Variants in FBLN5 observed in about 807,000 individuals in gnomAD.
FBLN5 encodes fibulin-5.
Under a neutral mutation model 61.6 loss-of-function variants are expected in FBLN5, and 24 were observed. The observed-to-expected ratio is 0.39, with a 90% CI of 0.28 to 0.55. FBLN5 has a LOEUF of 0.55. FBLN5 is among the 20% of genes least tolerant of loss of function. The probability of loss-of-function intolerance (pLI) is 0.65; values close to 1 mark genes in which losing one functional copy is unlikely to be tolerated. For missense variants in FBLN5, 470 were observed against 594.1 expected (o/e 0.79, Z 2.17); for synonymous variants, 213 against 219.8 (o/e 0.97, Z 0.27).
At chr14:91,938,132 CA>C (rs1333601327) in intron 3 of FBLN5, among the ~76,000 whole-genome samples, 1 of 152,162 alleles carries the variant, frequency 6.6e-6, no homozygotes, top group Non-Finnish European at 1.5e-5. Flanking sequence ...TAACAGTGGT[CA>C]GGGGAGAAAG....
intron 7 of FBLN5, among the ~76,000 whole-genome samples, chr14:91,885,733 T>C (rs1388565589): frequency 1.3e-5 from 2 of 152,216 alleles, no homozygotes; most frequent in African/African-American, 2.4e-5. Flanking sequence ...AGGGTCACTC[T>C]ACCATATGGC....
intron 4 of FBLN5, among the ~76,000 whole-genome samples, chr14:91,900,536 A>C (rs148063965): frequency 1.3e-5 from 2 of 152,350 alleles, no homozygotes; most frequent in East Asian, 3.9e-4. Context: ...TCATTCTCCA[A>C]GCACCAAAGT....
intron 4 of FBLN5, among the ~76,000 whole-genome samples, chr14:91,926,437 G>A (rs1957730114): frequency 6.6e-6 from 1 of 152,176 alleles, no homozygotes; most frequent in African/African-American, 2.4e-5. Flanking sequence ...GAGGATGGCA[G>A]CCCAACGGAT....
At chr14:91,920,565 AC>A (rs1315751661) in intron 4 of FBLN5, among the ~76,000 whole-genome samples, 7 of 152,286 alleles carry the variant, frequency 4.6e-5, no homozygotes, top group African/African-American at 1.7e-4. Context: ...GTGATCTTGG[AC>A]AAATCCTGTC....
At chr14:91,915,915 A>G (rs1188741318) in intron 4 of FBLN5, among the ~76,000 whole-genome samples, 1 of 152,136 alleles carries the variant, frequency 6.6e-6, no homozygotes, top group African/African-American at 2.4e-5. Flanking sequence ...ATATGTGGAC[A>G]CCAAAACTAG....
chr14:91,878,062 A>G, intron 9 of FBLN5: 2 of 414,618 alleles, frequency 4.8e-6, no homozygotes, highest in Non-Finnish European at 4.6e-6. Flanking sequence ...AAAAAAAAGG[A>G]AGAAAGAAAG....
intron 4 of FBLN5, among the ~76,000 whole-genome samples, chr14:91,934,168 C>T (rs1403719794): frequency 1.3e-5 from 2 of 152,224 alleles, no homozygotes; most frequent in Non-Finnish European, 2.9e-5. Context: ...CACTGCACTA[C>T]AGCCTGGGTA....
chr14:91,942,945 T>C lies in FBLN5; in HGVS notation c.34A>G (p.Ile12Val). 1 of 1,551,136 alleles carries C rather than the reference T, an allele frequency of 6.4e-7. No individual in the cohort carries two copies. Among genetic ancestry groups the C allele is most frequent in the Non-Finnish European group, 8.7e-7 (1 of 1,144,846 alleles). ...GGGCTTGGAAGACAGAGAGCCAGAA[T>C]GGTAACAGTGAGTATCCTGTGGAGG... The part of the protein sequence containing the change: ...PGIKRILTVT[I>V]LALCLPSPGN... The change falls in exon 2 of 11, where the codon ATT (isoleucine) becomes GTT (valine). Residue 12 changes from isoleucine (I) to valine (V), a missense_variant. Ile to Val is a conservative substitution (Grantham distance 29, BLOSUM62 3). Transcript: ENST00000342058.
At chr14:91,901,017 A>G (rs1050973184) in intron 4 of FBLN5, among the ~76,000 whole-genome samples, 1 of 152,176 alleles carries the variant, frequency 6.6e-6, no homozygotes, top group African/African-American at 2.4e-5. Flanking sequence ...GGAGATCTGG[A>G]CAAGAGGTAA....
rs557526084 is a variant in FBLN5 at position 91,894,766 on chromosome 14, G to A, written c.502+184C>T. ...AAAACTATAATGATGACAAGATGGC[G>A]ATGATGGCAATTGATTTTCAAGGGT... On this transcript the variant is annotated intron_variant, in intron 5 of 10. Coordinates refer to ENST00000342058, the MANE Select transcript of FBLN5 (RefSeq NM_006329.4). 7.2e-5 allele frequency among the ~76,000 whole-genome samples: 11 copies of A among 152,214 alleles called. No individual in the cohort carries two copies. In the East Asian group the frequency reaches 1.7e-3, roughly 24 times the overall value.
At chr14:91,919,052 C>T (rs763701710) in intron 4 of FBLN5, among the ~76,000 whole-genome samples, 6 of 152,006 alleles carry the variant, frequency 3.9e-5, no homozygotes, top group East Asian at 1.9e-4. Flanking sequence ...GAATGGCAGC[C>T]GGGCACTGTG....
chr14:91,926,587 C>T (rs1325792565), intron 4 of FBLN5, among the ~76,000 whole-genome samples: 1 of 152,154 alleles, frequency 6.6e-6, no homozygotes, highest in Non-Finnish European at 1.5e-5. Flanking sequence ...GACATGATCA[C>T]GAATTGAAAG....
At chr14:91,910,898 G>A (rs753206993) in intron 4 of FBLN5, among the ~76,000 whole-genome samples, 4 of 152,138 alleles carry the variant, frequency 2.6e-5, no homozygotes, top group Non-Finnish European at 5.9e-5. Context: ...CTAGTAACTC[G>A]ATTCAAAGGA....
chr14:91,930,151 A>C (rs1352934996), intron 4 of FBLN5, among the ~76,000 whole-genome samples: 2 of 152,212 alleles, frequency 1.3e-5, no homozygotes, highest in African/African-American at 4.8e-5. Context: ...AGATAATGAA[A>C]ACAATAATTA....
At chr14:91,945,773 T>C (rs1269773221) in intron 1 of FBLN5, among the ~76,000 whole-genome samples, 1 of 152,150 alleles carries the variant, frequency 6.6e-6, no homozygotes, top group African/African-American at 2.4e-5. Flanking sequence ...CAAGTTTTCA[T>C]GTAAGTGCCT....
chr14:91,898,363 T>C (rs1475815299), intron 4 of FBLN5, among the ~76,000 whole-genome samples: 3 of 152,034 alleles, frequency 2.0e-5, no homozygotes, highest in African/African-American at 7.2e-5. Context: ...TCCAGCCAAC[T>C]AGCTGACAAG....
intron 4 of FBLN5, among the ~76,000 whole-genome samples, chr14:91,923,715 TG>T (rs2055779468): frequency 6.6e-6 from 1 of 152,182 alleles, no homozygotes; most frequent in South Asian, 2.1e-4. Context: ...TGATGAGTTA[TG>T]TACACCCCCC....
intron 2 of FBLN5, chr14:91,942,208 G>C (rs2056116512): frequency 2.2e-6 from 1 of 455,670 alleles, no homozygotes; most frequent in Non-Finnish European, 4.4e-6. Flanking sequence ...GATGCTGCAA[G>C]CTTCTTCCAG....
At chr14:91,898,314 C>T (rs1211395575) in intron 4 of FBLN5, among the ~76,000 whole-genome samples, 1 of 152,088 alleles carries the variant, frequency 6.6e-6, no homozygotes, top group African/African-American at 2.4e-5. Flanking sequence ...AACACATGAA[C>T]GGCAAACATC....
Sources: gnomAD v4.1 joint callset for allele counts (sites outside exome capture counted in the v4.1 genomes callset) on GRCh38, gnomAD v4.1.1 for gene constraint, MANE v1.5 for transcripts, NCBI Gene and HGNC (gene_info 2026-07-23, HGNC 2026-07-21) for gene names.